DMXL2: variants seen among roughly 807,000 people sequenced by gnomAD.
DMXL2 encodes the protein dmX-like protein 2.
Under a neutral mutation model 331.1 loss-of-function variants are expected in DMXL2, and 103 were observed. The observed-to-expected ratio is 0.31, with a 90% CI of 0.27 to 0.37. DMXL2 has a LOEUF of 0.37. Among genes scored for constraint, DMXL2 ranks in the 10% least tolerant of loss-of-function variants. The pLI, the probability that DMXL2 is intolerant of heterozygous loss-of-function variation, is 1.00. For synonymous variants in DMXL2, 1,281 were observed against 1,252.1 expected, an observed-to-expected ratio of 1.02 and a Z score of -0.49; for missense variants, 3,171 against 3,642.9, an observed-to-expected ratio of 0.87 and a Z score of 3.33.
At chr15:51,479,847 G>C in intron 25 of DMXL2, 101 bp downstream of exon 25, 1 of 829,298 alleles carries the variant, frequency 1.2e-6, no homozygotes, top group East Asian at 2.8e-5. Flanking sequence ...GAGAAAGGTA[G>C]CACTTTGAAA....
At chr15:51,524,462 G>T (rs1217606911) in intron 13 of DMXL2, among the ~76,000 whole-genome samples, 1 of 152,144 alleles carries the variant, frequency 6.6e-6, no homozygotes, top group African/African-American at 2.4e-5. Context: ...AGCATTCACA[G>T]TACCCAGTTT....
chr15:51,618,597 T>A (rs530161958), intron 1 of DMXL2, among the ~76,000 whole-genome samples: 1 of 152,336 alleles, frequency 6.6e-6, no homozygotes, highest in Non-Finnish European at 1.5e-5. Context: ...TACGTTTTCC[T>A]GAAAAGCTAC....
At chr15:51,549,425 C>T (rs1363445811) in intron 6 of DMXL2, among the ~76,000 whole-genome samples, 3 of 152,116 alleles carry the variant, frequency 2.0e-5, no homozygotes, top group Non-Finnish European at 4.4e-5. Context: ...TATAAACATG[C>T]ATGTGCAAGT....
At chr15:51,449,736 A>C (rs188872436) in intron 43 of DMXL2, among the ~76,000 whole-genome samples, 140 of 152,312 alleles carry the variant, frequency 9.2e-4, no homozygotes, top group African/African-American at 3.3e-3. Context: ...ATCCCACCAT[A>C]AAGTCAAGGA....
At chr15:51,537,369 T>C (rs569246097) in intron 11 of DMXL2, 119 bp downstream of exon 11, 9 of 895,566 alleles carry the variant, frequency 1.0e-5, no homozygotes, top group South Asian at 7.4e-5. Context: ...TATTCTTTAC[T>C]CAGATGCTTA....
In DMXL2 at chr15:51,536,487, A is replaced by C. The variant is rs200046847; in HGVS notation, c.1993T>G (p.Leu665Val). The change falls in exon 12 of 44, where the codon TTA (leucine) becomes GTA (valine). Residue 665 changes from leucine (L) to valine (V), a missense_variant. By Grantham distance (32) the Leu-to-Val change is conservative (BLOSUM62 1). Coordinates refer to ENST00000560891, the MANE Select transcript of DMXL2 (RefSeq NM_001378457.1). ...GCATTATGATGAGAGGATGTCAATA[A>C]CAGTGGTAAAACTGAATGACATGCC... ...DLACHSVLPL[L>V]LTSSHHNALL... The C allele has an allele frequency of 2.5e-5, 41 of 1,614,032 alleles. No homozygotes were observed. In the Admixed American group the frequency reaches 5.0e-4, roughly 20 times the overall value.
At position 51,474,326 on chromosome 15, in the gene DMXL2, G is replaced by T; in HGVS notation, c.7213+18C>A. On this transcript the variant is annotated intron_variant, in intron 28 of 43. Transcript: ENST00000560891. The stretch of plus-strand genomic sequence containing the variant: ...TGATTAACATTTACATACATTACTG[G>T]TATCAAACGTATCTTACCTGAAATA... The T allele has an allele frequency of 6.3e-7, 1 of 1,591,344 alleles. No homozygotes were observed. Among genetic ancestry groups the T allele is most frequent in the South Asian group, 1.1e-5 (1 of 89,026 alleles).
chr15:51,478,112 A>C (rs1012179979), intron 26 of DMXL2, among the ~76,000 whole-genome samples, 159 bp downstream of exon 26: 1 of 152,132 alleles, frequency 6.6e-6, no homozygotes, highest in African/African-American at 2.4e-5. Flanking sequence ...ACAACTAAAC[A>C]AATAATTATT....
Position 51,565,073 on chromosome 15 carries a change from A to T in DMXL2, c.364+15T>A. On this transcript the variant is annotated intron_variant, in intron 4 of 43. Coordinates refer to ENST00000560891, the MANE Select transcript of DMXL2 (RefSeq NM_001378457.1). The stretch of plus-strand genomic sequence containing the variant: ...ATATTTAATTTAAATAATTTTAAAT[A>T]CAATTGCTAAATACCTTGAGGATCC... 7.0e-7 allele frequency: 1 copy of T among 1,423,658 alleles called. No homozygotes were observed. Among genetic ancestry groups the T allele is most frequent in the Non-Finnish European group, 9.3e-7 (1 of 1,073,666 alleles). The allele number at this position is 1,423,658 out of a possible 1,614,324, so 88.2% of individuals were successfully genotyped here.
chr15:51,477,081 G>C (rs1197534555), intron 26 of DMXL2, among the ~76,000 whole-genome samples: 3 of 152,082 alleles, frequency 2.0e-5, no homozygotes, highest in South Asian at 2.1e-4. Context: ...TAGGCAGAAA[G>C]TTTCAGGGAC....
chr15:51,558,925 C>T (rs1234209037), intron 6 of DMXL2, among the ~76,000 whole-genome samples: 1 of 152,074 alleles, frequency 6.6e-6, no homozygotes, highest in Non-Finnish European at 1.5e-5. Context: ...AGCTGTATTT[C>T]AATAATTTCT....
chr15:51,470,612 G>GGTAACCTTGTGTTACCT, intron 29 of DMXL2, among the ~76,000 whole-genome samples: 1 of 152,190 alleles, frequency 6.6e-6, no homozygotes, highest in Non-Finnish European at 1.5e-5. Flanking sequence ...TGTATGCACA[G>GGTAACCTTGTGTTACCT]CAAGGTAACA....
intron 41 of DMXL2, among the ~76,000 whole-genome samples, chr15:51,452,229 A>T (rs2039210936): frequency 1.3e-5 from 2 of 152,208 alleles, no homozygotes; most frequent in Non-Finnish European, 2.9e-5. Flanking sequence ...CTAGACATTG[A>T]CTTAAAGAAT....
At chr15:51,545,479 A>T in intron 8 of DMXL2, 104 bp downstream of exon 8, 2 of 926,076 alleles carry the variant, frequency 2.2e-6, no homozygotes, top group Non-Finnish European at 3.2e-6. Context: ...TATTAATTTC[A>T]CTCATTACAT....
intron 26 of DMXL2, among the ~76,000 whole-genome samples, chr15:51,477,831 T>G (rs150808816): frequency 4.6e-5 from 7 of 152,062 alleles, no homozygotes; most frequent in African/African-American, 1.2e-4. Context: ...CATATGTAAA[T>G]GGGTAGGTAA....
chr15:51,538,473 T>A (rs750328528), intron 9 of DMXL2, 21 bp from the exon 10 acceptor site: 4 of 1,537,756 alleles, frequency 2.6e-6, no homozygotes. Context: ...AAAAGAGATT[T>A]CAATATAATT....
chr15:51,494,956 C>T (rs757214599), intron 19 of DMXL2, 68 bp downstream of exon 19: 6 of 1,143,040 alleles, frequency 5.2e-6, no homozygotes, highest in Non-Finnish European at 7.8e-6. Flanking sequence ...TACACACAAA[C>T]ATGATACACC....
intron 16 of DMXL2, among the ~76,000 whole-genome samples, chr15:51,503,863 T>TA (rs986497199): frequency 7.2e-5 from 11 of 152,110 alleles, no homozygotes; most frequent in African/African-American, 1.4e-4. Flanking sequence ...TAAATTTTTT[T>TA]AAAAAAATTA....
chr15:51,580,409 T>A (rs1263683555), intron 1 of DMXL2, among the ~76,000 whole-genome samples: 1 of 152,126 alleles, frequency 6.6e-6, no homozygotes, highest in Non-Finnish European at 1.5e-5. Flanking sequence ...TCTTCACATG[T>A]GGGAGATAGG....
Sources: allele counts gnomAD v4.1 joint callset (sites outside exome capture counted in the v4.1 genomes callset), GRCh38; gene constraint gnomAD v4.1.1; transcripts MANE v1.5; gene names NCBI Gene and HGNC (gene_info 2026-07-23, HGNC 2026-07-21).